TMEM196: variants seen among roughly 807,000 people sequenced by gnomAD.
TMEM196 encodes the protein transmembrane protein 196.
In TMEM196, 17 loss-of-function variants were observed where a neutral mutation model predicts 20.0. The observed-to-expected ratio is 0.85, with a 90% CI of 0.58 to 1.27. TMEM196 has a LOEUF of 1.27. Ranked by LOEUF, TMEM196 falls within the 50% of genes most tolerant of loss-of-function variation. The pLI is 0.00. For missense variants in TMEM196, 267 were observed against 223.0 expected (o/e 1.20, Z -1.26); for synonymous variants, 113 against 88.9 (o/e 1.27, Z -1.52).
chr7:19,725,535 G>A lies in TMEM196; in HGVS notation c.438C>T (p.His146=). ...TCACTTTCTCAGCCATTTCATGAGA[G>A]TGATGCAGGGAATGCTCCCTTTCTG... ...MFSEREHSLH[H]SHEMAEKRLR... The change falls in exon 3 of 5, where the codon CAC becomes CAT. Residue 146 remains histidine (H), a synonymous_variant. Transcript: ENST00000405844. The A allele has an allele frequency of 6.2e-7, 1 of 1,611,580 alleles. No homozygotes were observed.
At chr7:19,744,822 T>C (rs1451574006) in intron 1 of TMEM196, among the ~76,000 whole-genome samples, 1 of 152,198 alleles carries the variant, frequency 6.6e-6, no homozygotes, top group African/African-American at 2.4e-5. Flanking sequence ...TCCCAATATT[T>C]CTGGGAATAC....
chr7:19,753,652 T>G (rs1583448998), intron 1 of TMEM196, among the ~76,000 whole-genome samples: 1 of 152,320 alleles, frequency 6.6e-6, no homozygotes, highest in East Asian at 1.9e-4. Flanking sequence ...TGATTATTCT[T>G]AAAATAAATT....
chr7:19,722,199 G>A (rs917484385), intron 4 of TMEM196, 65 bp from the exon 5 acceptor site: 1 of 1,391,258 alleles, frequency 7.2e-7, no homozygotes, highest in Non-Finnish European at 1.0e-6. Context: ...TTTGGTTAAT[G>A]AGTTTGCAAA....
intron 1 of TMEM196, among the ~76,000 whole-genome samples, chr7:19,744,800 C>T (rs1784695849): frequency 6.6e-6 from 1 of 152,090 alleles, no homozygotes; most frequent in Non-Finnish European, 1.5e-5. Flanking sequence ...CACTGACTAC[C>T]TGAGTTCTCT....
At chr7:19,760,925 C>T (rs1785410522) in intron 1 of TMEM196, among the ~76,000 whole-genome samples, 1 of 152,176 alleles carries the variant, frequency 6.6e-6, no homozygotes, top group African/African-American at 2.4e-5. Flanking sequence ...CTCCTGGAGT[C>T]CCGCAGAGCT....
At position 19,741,502 on chromosome 7, in the gene TMEM196, G is replaced by A. The variant is rs1170691256; in HGVS notation, c.148-12064C>T. 2.0e-5 allele frequency among the ~76,000 whole-genome samples: 3 copies of A among 152,144 alleles called. No individual in the cohort carries two copies. In the East Asian group the frequency reaches 5.8e-4, roughly 29 times the overall value. The stretch of plus-strand genomic sequence containing the variant: ...TCAAATCCAGTTAATTTAAACATTT[G>A]AAAACAGTTATGGTTAGTCATGATA... On this transcript the variant is annotated intron_variant, in intron 1 of 4. Coordinates refer to ENST00000405844, the MANE Select transcript of TMEM196 (RefSeq NM_001363562.2).
At position 19,762,193 on chromosome 7, in the gene TMEM196, A is replaced by G. The variant is rs368417300; in HGVS notation, c.147+10357T>C. 3.3e-3 allele frequency among the ~76,000 whole-genome samples: 504 copies of G among 152,228 alleles called. 2 individuals carry two copies. Among genetic ancestry groups the G allele is most frequent in the African/African-American group, 0.011 (477 of 41,572 alleles). On this transcript the variant is annotated intron_variant, in intron 1 of 4. Coordinates refer to ENST00000405844, the MANE Select transcript of TMEM196 (RefSeq NM_001363562.2). ...TTCTAAATAAATCTTAGTTATAGTC[A>G]TTATTCACATAGGCTCTTAAAACAA...
intron 1 of TMEM196, among the ~76,000 whole-genome samples, chr7:19,746,898 A>T (rs1465069464): frequency 6.6e-6 from 1 of 152,170 alleles, no homozygotes; most frequent in Non-Finnish European, 1.5e-5. Context: ...TAGATTTAGA[A>T]CGTATGAGAT....
intron 1 of TMEM196, among the ~76,000 whole-genome samples, chr7:19,742,513 A>G (rs1784615242): frequency 1.3e-5 from 2 of 152,126 alleles, no homozygotes; most frequent in South Asian, 2.1e-4. Flanking sequence ...CTGAAAGTAA[A>G]GAGACATCGC....
Position 19,724,155 on chromosome 7 carries a change from T to C in TMEM196, c.533+125A>G, listed in dbSNP as rs1332648446. ...GCAAAGTAAGCGCTTACGAAAGCGA[T>C]ACTTTGAGAAACAACATTAAACAAC... is the stretch of plus-strand genomic sequence containing the variant. On this transcript the variant is annotated intron_variant, in intron 4 of 4. Coordinates refer to ENST00000405844, the MANE Select transcript of TMEM196 (RefSeq NM_001363562.2). 3.5e-6 allele frequency: 3 copies of C among 853,004 alleles called. No homozygotes were observed. In the African/African-American group the frequency reaches 5.1e-5, roughly 15 times the overall value. 52.8% of individuals were successfully genotyped at this position (853,004 alleles called of 1,614,324 possible).
chr7:19,736,940 C>T (rs1004212008), intron 1 of TMEM196, among the ~76,000 whole-genome samples: 2 of 151,888 alleles, frequency 1.3e-5, no homozygotes, highest in Non-Finnish European at 2.9e-5. Context: ...TTCAAACTTT[C>T]TGTTTTCTTT....
rs77791424 is a variant in TMEM196 at position 19,755,004 on chromosome 7, G to A, written c.147+17546C>T. Among the ~76,000 whole-genome samples the A allele has an allele frequency of 4.9e-3, 744 of 152,226 alleles. 6 individuals carry two copies. The highest frequency in any genetic ancestry group is 7.4e-3 in the Non-Finnish European group (506 of 68,018). On this transcript the variant is annotated intron_variant, in intron 1 of 4. Coordinates refer to ENST00000405844, the MANE Select transcript of TMEM196 (RefSeq NM_001363562.2). ...ATAAGGAGACTAATGGTAATATCAC[G>A]TAACTATGGTCTTAAAGGGACAATT...
At chr7:19,747,981 T>G (rs942041573) in intron 1 of TMEM196, among the ~76,000 whole-genome samples, 1 of 152,176 alleles carries the variant, frequency 6.6e-6, no homozygotes, top group Non-Finnish European at 1.5e-5. Context: ...AACTAAAATA[T>G]TGATCGTTAC....
At chr7:19,726,002 A>G (rs990125844) in intron 2 of TMEM196, among the ~76,000 whole-genome samples, 1 of 152,188 alleles carries the variant, frequency 6.6e-6, no homozygotes. Context: ...TCAGAAATTG[A>G]TAGCTGACTA....
At chr7:19,771,524 C>G (rs1314415069) in intron 1 of TMEM196, among the ~76,000 whole-genome samples, 1 of 152,120 alleles carries the variant, frequency 6.6e-6, no homozygotes, top group African/African-American at 2.4e-5. Flanking sequence ...TGACTTAAAG[C>G]TCAAGTGATT....
chr7:19,736,352 A>ATTATATATATATATAT (rs1562612121), intron 1 of TMEM196, among the ~76,000 whole-genome samples: 1 of 103,926 alleles, frequency 9.6e-6, no homozygotes, highest in African/African-American at 3.2e-5. Flanking sequence ...AGTGGTTCCT[A>ATTATATATATATATAT]CTATATATAT....
chr7:19,748,501 T>C (rs12668284), intron 1 of TMEM196, among the ~76,000 whole-genome samples: 1 of 152,134 alleles, frequency 6.6e-6, no homozygotes, highest in Non-Finnish European at 1.5e-5. Flanking sequence ...TTAAACGCAG[T>C]GTATACAGCT....
chr7:19,766,998 G>A (rs1337576537), intron 1 of TMEM196, among the ~76,000 whole-genome samples: 15 of 152,104 alleles, frequency 9.9e-5, no homozygotes. Context: ...CAAGCAAACT[G>A]TCAATTAGTA....
chr7:19,740,674 G>T (rs1784551988), intron 1 of TMEM196, among the ~76,000 whole-genome samples: 1 of 152,066 alleles, frequency 6.6e-6, no homozygotes, highest in East Asian at 1.9e-4. Context: ...CCCTTTTTGG[G>T]GTGGGCCAAG....
Sources: allele counts gnomAD v4.1 joint callset (sites outside exome capture counted in the v4.1 genomes callset), GRCh38; gene constraint gnomAD v4.1.1; transcripts MANE v1.5; gene names NCBI Gene and HGNC (gene_info 2026-07-23, HGNC 2026-07-21).